ZBTB24: variants seen among roughly 807,000 people sequenced by gnomAD.
ZBTB24 encodes zinc finger and BTB domain-containing protein 24.
A neutral mutation model predicts 53.8 loss-of-function variants in ZBTB24; 32 were observed. That is an observed-to-expected ratio of 0.60 (90% CI 0.45 to 0.80). The LOEUF (loss-of-function observed/expected upper bound fraction) is 0.80, where lower values mean the gene tolerates loss of function less well. Among genes scored for constraint, ZBTB24 ranks in the 30% least tolerant of loss-of-function variants. ZBTB24 has a pLI of 0.00. For synonymous variants in ZBTB24, 297 were observed against 306.7 expected (o/e 0.97, Z 0.33); for missense variants, 722 against 837.1 (o/e 0.86, Z 1.70).
At chr6:109,474,103 A>G (rs1022008212) in intron 5 of ZBTB24, among the ~76,000 whole-genome samples, 2 of 150,570 alleles carry the variant, frequency 1.3e-5, no homozygotes, top group African/African-American at 5.0e-5. Context: ...AAAAAAAAAA[A>G]AGTCCAAAGC....
At chr6:109,466,652 CAA>C in intron 6 of ZBTB24, 78 bp from the exon 7 acceptor site, 1 of 1,565,556 alleles carries the variant, frequency 6.4e-7, no homozygotes, top group African/African-American at 1.4e-5. Context: ...GGGAAGCAAT[CAA>C]GAGTAGTGGA....
At chr6:109,469,522 AG>A (rs147741070) in intron 5 of ZBTB24, among the ~76,000 whole-genome samples, 1 of 152,284 alleles carries the variant, frequency 6.6e-6, no homozygotes, top group Admixed American at 6.5e-5. Context: ...GTCAATCTGC[AG>A]GGGGTCTTCC....
chr6:109,465,993 T>C lies in ZBTB24; in HGVS notation c.1952A>G (p.His651Arg). The change falls in exon 7 of 7, where the codon CAT becomes CGT. Residue 651 changes from histidine to arginine, a missense_variant. Physicochemically the swap from His to Arg is conservative, Grantham distance 29 (BLOSUM62 0). Coordinates refer to ENST00000230122, the MANE Select transcript of ZBTB24 (RefSeq NM_014797.3). ...ATGGAGCTCCTCTGTTTGCTCTTGA[T>C]GGGCATGAAGATGTTCCAGTGTTTC... is the stretch of plus-strand genomic sequence containing the variant. ...SKETLEHLHA[H>R]QEQTEELHLA... 1.9e-6 allele frequency: 3 copies of C among 1,614,214 alleles called. No individual in the cohort carries two copies. Among genetic ancestry groups the C allele is most frequent in the Non-Finnish European group, 2.5e-6 (3 of 1,180,038 alleles).
chr6:109,466,785 A>G (rs1197490763), intron 6 of ZBTB24, among the ~76,000 whole-genome samples: 1 of 152,098 alleles, frequency 6.6e-6, no homozygotes, highest in Middle Eastern at 3.2e-3. Flanking sequence ...GTGCCTGAGG[A>G]AGGGTGGCAG....
At chr6:109,475,544 AT>A in intron 4 of ZBTB24, 62 bp from the exon 5 acceptor site, 1 of 1,574,182 alleles carries the variant, frequency 6.4e-7, no homozygotes, top group Non-Finnish European at 8.7e-7. Flanking sequence ...TTCTTCAGTG[AT>A]TTGTGTTAAA....
At position 109,481,887 on chromosome 6, in the gene ZBTB24, T is replaced by G; in HGVS notation, c.140A>C (p.His47Pro). Residue 47 changes from histidine (H) to proline (P), a missense_variant, in exon 2 of 7, where the codon CAT becomes CCT. Physicochemically the swap from His to Pro is moderately conservative, Grantham distance 77 (BLOSUM62 -2). Coordinates refer to ENST00000230122, the MANE Select transcript of ZBTB24 (RefSeq NM_014797.3). ...AAGTAAGGCTTTGTGGGCCCGGAAA[T>G]GTACATTCTCCACGATTAAAGTAAT... is the stretch of plus-strand genomic sequence containing the variant. ...CDITLIVENVHFRAHKALLAA... is the reference protein window; with the variant it reads ...CDITLIVENVPFRAHKALLAA... 1 of 1,614,150 alleles carries G rather than the reference T, an allele frequency of 6.2e-7. No individual in the cohort carries two copies.
Position 109,466,060 on chromosome 6 carries a change from GC to G in ZBTB24, c.1884del (p.Ser630HisfsTer8). On this transcript the variant is annotated frameshift_variant, in exon 7 of 7. Coordinates refer to ENST00000230122, the MANE Select transcript of ZBTB24 (RefSeq NM_014797.3). LOFTEE classifies it high-confidence loss of function. Reference protein sequence around the residue: ...QSLNMIESQMGPSQTEPVHVI... With the variant: ...QSLNMIESQMXPSQTEPVHVI... The stretch of plus-strand genomic sequence containing the variant: ...ACGTGCACTGGCTCTGTTTGTGAGG[GC>G]CCCATCTGGCTTTCAATCATATTGA... 1 of 1,614,176 alleles carries G rather than the reference GC, an allele frequency of 6.2e-7. No homozygotes were observed. Among genetic ancestry groups the G allele is most frequent in the Non-Finnish European group, 8.5e-7 (1 of 1,180,036 alleles).
At position 109,465,562 on chromosome 6, in the gene ZBTB24, G is replaced by T; in HGVS notation, c.*289C>A. 6.4e-6 allele frequency: 8 copies of T among 1,257,262 alleles called. No homozygotes were observed. Among genetic ancestry groups the T allele is most frequent in the Non-Finnish European group, 7.7e-6 (7 of 908,872 alleles). The allele number at this position is 1,257,262 out of a possible 1,614,324, so 77.9% of individuals were successfully genotyped here. On this transcript the variant is annotated 3_prime_UTR_variant, in exon 7 of 7. Coordinates refer to ENST00000230122, the MANE Select transcript of ZBTB24 (RefSeq NM_014797.3). ...CATTTAAACCTTACAGAAAAACTGAGATCAATGCCCCCAAAGAAAAACTAC... is the reference window on the plus strand; with the variant it reads ...CATTTAAACCTTACAGAAAAACTGATATCAATGCCCCCAAAGAAAAACTAC...
intron 5 of ZBTB24, among the ~76,000 whole-genome samples, chr6:109,475,147 T>C (rs1467946287): frequency 6.6e-6 from 1 of 151,726 alleles, no homozygotes; most frequent in East Asian, 1.9e-4. Context: ...TGGTATTAAA[T>C]GAATTGTGAC....
chr6:109,470,622 C>A (rs1356538714), intron 5 of ZBTB24, among the ~76,000 whole-genome samples: 2 of 152,262 alleles, frequency 1.3e-5, no homozygotes, highest in Non-Finnish European at 2.9e-5. Context: ...TCAGCTGTCA[C>A]ATTCACCTGG....
At chr6:109,476,279 C>T (rs1776277189) in intron 3 of ZBTB24, 21 bp from the exon 4 acceptor site, 1 of 1,613,116 alleles carries the variant, frequency 6.2e-7, no homozygotes, top group Non-Finnish European at 8.5e-7. Flanking sequence ...AACCAAAACA[C>T]TAAAACATGT....
At chr6:109,467,086 C>T (rs532623399) in intron 6 of ZBTB24, among the ~76,000 whole-genome samples, 2 of 152,314 alleles carry the variant, frequency 1.3e-5, no homozygotes, top group East Asian at 3.9e-4. Context: ...AAATTTAATA[C>T]TTATTTTTGA....
chr6:109,469,279 T>C (rs1776118044), intron 5 of ZBTB24, among the ~76,000 whole-genome samples: 2 of 152,260 alleles, frequency 1.3e-5, no homozygotes, highest in Admixed American at 6.5e-5. Flanking sequence ...TGCTGTTTGC[T>C]TGTGATTGTA....
At chr6:109,469,002 C>A (rs979259221) in intron 5 of ZBTB24, among the ~76,000 whole-genome samples, 6 of 150,972 alleles carry the variant, frequency 4.0e-5, no homozygotes, top group Non-Finnish European at 5.9e-5. Flanking sequence ...AGGATAAGTA[C>A]AATTTGAAAT....
chr6:109,465,671 A>C lies in ZBTB24; in HGVS notation c.*180T>G. The C allele has an allele frequency of 6.3e-7, 1 of 1,585,242 alleles. No homozygotes were observed. The highest frequency in any genetic ancestry group is 8.5e-7 in the Non-Finnish European group (1 of 1,171,508). ...CTCAATACAAATCAGTACCTTAGAC[A>C]AGACATACACACATCTTGCTACCTG... On this transcript the variant is annotated 3_prime_UTR_variant, in exon 7 of 7. Coordinates refer to ENST00000230122, the MANE Select transcript of ZBTB24 (RefSeq NM_014797.3).
chr6:109,476,179 A>AC lies in ZBTB24; in HGVS notation c.1199_1200insG (p.His400GlnfsTer32). 6.2e-7 allele frequency: 1 copy of AC among 1,614,054 alleles called. No individual in the cohort carries two copies. Among genetic ancestry groups the AC allele is most frequent in the South Asian group, 1.1e-5 (1 of 91,060 alleles). On this transcript the variant is annotated frameshift_variant, in exon 4 of 7. Transcript: ENST00000230122. LOFTEE classifies it high-confidence loss of function. ...AATGTTCTCACTTTATCGTACCTGTATGAACTCGGTAATGGCTCTTTAGCT... is the reference window on the plus strand; with the variant it reads ...AATGTTCTCACTTTATCGTACCTGTACTGAACTCGGTAATGGCTCTTTAGCT...
chr6:109,465,875 C>T lies in ZBTB24; in HGVS notation c.2070G>A (p.Thr690=), dbSNP rs148353968. 1.7e-4 allele frequency: 280 copies of T among 1,614,136 alleles called. 1 individual carries two copies. The African/African-American group carries it at 2.6e-3, about 15-fold the overall frequency. The change falls in exon 7 of 7, where the codon ACG becomes ACA. Residue 690 remains threonine (T), a synonymous_variant. Transcript: ENST00000230122. ...PPPTHHVPQP[T]PLGQEQS ...GTCAGCTCTGCTCCTGGCCAAGTGG[C>T]GTTGGCTGGGGCACGTGGTGAGTGG...
chr6:109,480,631 T>C (rs1456349102), intron 2 of ZBTB24, among the ~76,000 whole-genome samples: 6 of 152,214 alleles, frequency 3.9e-5, no homozygotes, highest in Admixed American at 3.3e-4. Flanking sequence ...AGCATGGTTA[T>C]GGTCAAGATG....
chr6:109,475,358 A>G, intron 5 of ZBTB24, 41 bp downstream of exon 5: 1 of 1,610,810 alleles, frequency 6.2e-7, no homozygotes, highest in Non-Finnish European at 8.5e-7. Context: ...TCTCCTGAAA[A>G]CATCCCGTGT....
Sources: gnomAD v4.1 joint callset for allele counts (sites outside exome capture counted in the v4.1 genomes callset) on GRCh38, gnomAD v4.1.1 for gene constraint, MANE v1.5 for transcripts, NCBI Gene and HGNC (gene_info 2026-07-23, HGNC 2026-07-21) for gene names.